TRIM14: variants seen among roughly 807,000 people sequenced by gnomAD.
The protein encoded by TRIM14 is tripartite motif containing 14.
TRIM14 carries 28 observed loss-of-function variants against 44.5 expected under a neutral mutation model. That is an observed-to-expected ratio of 0.63 (90% CI 0.47 to 0.86). The LOEUF is 0.86. Among genes scored for constraint, TRIM14 ranks in the 40% least tolerant of loss-of-function variants. TRIM14 has a pLI of 0.00. For missense variants in TRIM14, 607 were observed against 611.1 expected (o/e 0.99, Z 0.07); for synonymous variants, 299 against 269.2 (o/e 1.11, Z -1.08).
rs1176164751 is a variant in TRIM14, at chr9:98,078,204, G to A, written c.*29-8517C>T. ...GCTGGATTACTCAGGTCGCCCAATG[G>A]TGATCTCCAGTGGGATGCAGTCAAT... On this transcript the variant is annotated intron_variant, in intron 6 of 6. Coordinates refer to the TRIM14 transcript ENST00000375098. 11 of 1,614,204 alleles carry A rather than the reference G, an allele frequency of 6.8e-6. No individual in the cohort carries two copies. In the South Asian group the frequency reaches 1.2e-4, roughly 18 times the overall value.
chr9:98,074,254 C>G (rs1405733624), intron 6 of TRIM14, among the ~76,000 whole-genome samples: 1 of 152,096 alleles, frequency 6.6e-6, no homozygotes, highest in African/African-American at 2.4e-5. Flanking sequence ...GCTGGGAGCC[C>G]GAGGAGAGTT....
At chr9:98,078,272 C>T in intron 6 of TRIM14, 2 of 1,614,096 alleles carry the variant, frequency 1.2e-6, no homozygotes, top group Non-Finnish European at 1.7e-6. Flanking sequence ...AGCCCCTCAA[C>T]CCCAACTTCT....
intron 3 of TRIM14, among the ~76,000 whole-genome samples, chr9:98,098,930 C>T (rs1397285817): frequency 6.6e-6 from 1 of 152,038 alleles, no homozygotes; most frequent in Admixed American, 6.5e-5. Context: ...CGCCATCACG[C>T]CTGGCTGATA....
chr9:98,066,087 T>C (rs772648266), downstream of TRIM14, among the ~76,000 whole-genome samples: 25 of 152,216 alleles, frequency 1.6e-4, no homozygotes, highest in Admixed American at 7.2e-4. Context: ...CCATAGTTGC[T>C]TCCCCAGGAC....
the TRIM14 span, among the ~76,000 whole-genome samples, chr9:98,054,140 T>A: frequency 2.7e-4 from 41 of 152,216 alleles, no homozygotes; most frequent in African/African-American, 8.2e-4. Context: ...CTGTTAAGCT[T>A]TTTTTTCAGA....
At chr9:98,066,160 G>A (rs1028755005), downstream of TRIM14, among the ~76,000 whole-genome samples, 1 of 152,186 alleles carries the variant, frequency 6.6e-6, no homozygotes, top group African/African-American at 2.4e-5. Context: ...AATGTTATGT[G>A]TGCATTTCAT....
rs533527346 is a variant in TRIM14 at position 98,073,224 on chromosome 9, T to G, written c.*29-3537A>C. On this transcript the variant is annotated intron_variant, in intron 6 of 6. Coordinates refer to the TRIM14 transcript ENST00000375098. Reference sequence around the variant, plus strand: ...GAGGCTGGCCCAGCCTATTTGTGGCTACACCCTTCCCCTGACTCCCTGTTC... The same window carrying G: ...GAGGCTGGCCCAGCCTATTTGTGGCGACACCCTTCCCCTGACTCCCTGTTC... Among the ~76,000 whole-genome samples, 7 of 146,908 alleles carry G rather than the reference T, an allele frequency of 4.8e-5. No individual in the cohort carries two copies. In the South Asian group the frequency reaches 1.5e-3, roughly 32 times the overall value.
chr9:98,041,887 G>A, the TRIM14 span, among the ~76,000 whole-genome samples: 1 of 151,102 alleles, frequency 6.6e-6, no homozygotes, highest in African/African-American at 2.4e-5. Context: ...TTTCTCCATG[G>A]TGGTCAGGCT....
At chr9:98,040,719 G>A in the TRIM14 span, among the ~76,000 whole-genome samples, 3 of 151,518 alleles carry the variant, frequency 2.0e-5, no homozygotes, top group East Asian at 3.9e-4. Flanking sequence ...GTGCAGTGGC[G>A]CGATCTCAGC....
At chr9:98,105,006 G>A (rs1277583068) in intron 2 of TRIM14, among the ~76,000 whole-genome samples, 1 of 131,650 alleles carries the variant, frequency 7.6e-6, no homozygotes, top group Non-Finnish European at 1.6e-5. Context: ...TGGTGGCAAT[G>A]GCAGGCAGGA....
At chr9:98,041,152 G>A in the TRIM14 span, among the ~76,000 whole-genome samples, 10 of 152,116 alleles carry the variant, frequency 6.6e-5, no homozygotes, top group African/African-American at 2.4e-4. Flanking sequence ...GGTAAATAAT[G>A]AGCTCTAGGA....
intron 2 of TRIM14, among the ~76,000 whole-genome samples, chr9:98,105,707 A>G (rs1826585435): frequency 6.6e-6 from 1 of 152,250 alleles, no homozygotes; most frequent in African/African-American, 2.4e-5. Flanking sequence ...GAGTGGAGCC[A>G]GAGGTGCATG....
At position 98,095,307 on chromosome 9, in the gene TRIM14, C is replaced by A. The variant is rs1826147282; in HGVS notation, c.538-278G>T. Among the ~76,000 whole-genome samples the A allele has an allele frequency of 6.6e-6, 1 of 152,208 alleles. No individual in the cohort carries two copies. The highest frequency in any genetic ancestry group is 2.4e-5 in the African/African-American group (1 of 41,436). On this transcript the variant is annotated intron_variant, in intron 3 of 5. Transcript: ENST00000341469. The surrounding 1 kb of genome is among the most constrained non-coding windows in gnomAD (Gnocchi z 4.1). ...TCCTTTCCTTCCTTCCTTACGTGTT[C>A]ATTGAAACCTACTCTGTGCCAGCTA... is the stretch of plus-strand genomic sequence containing the variant.
chr9:98,096,644 A>C (rs915301362), intron 3 of TRIM14, among the ~76,000 whole-genome samples: 24 of 152,110 alleles, frequency 1.6e-4, no homozygotes, highest in African/African-American at 5.8e-4. Context: ...CCCAGGCATC[A>C]TCTGGGGATT....
At chr9:98,056,351 G>C in the TRIM14 span, among the ~76,000 whole-genome samples, 1 of 152,020 alleles carries the variant, frequency 6.6e-6, no homozygotes, top group Non-Finnish European at 1.5e-5. Flanking sequence ...ACTCGATCCA[G>C]CTCTGTGATT....
chr9:98,105,338 G>A (rs1312936341), intron 2 of TRIM14, among the ~76,000 whole-genome samples: 2 of 152,206 alleles, frequency 1.3e-5, no homozygotes, highest in African/African-American at 2.4e-5. Context: ...GCTGAGCCCC[G>A]CCGACTGCAT....
intron 5 of TRIM14, among the ~76,000 whole-genome samples, chr9:98,088,224 T>C (rs1376295202): frequency 1.3e-5 from 2 of 152,254 alleles, no homozygotes; most frequent in African/African-American, 2.4e-5. Context: ...TTATACTGTC[T>C]GTATTTTGTG....
In TRIM14 at chr9:98,087,723, C is replaced by G. The variant is rs745561512; in HGVS notation, c.1076G>C (p.Arg359Pro). ...GTAGCGCTTGAGGCACCAGGACTGG[C>G]GGTTGCAGCCCAGGCGGGCGGCGGC... ...ASAAARLGCNRQSWCLKRYDL... is the reference protein window; with the variant it reads ...ASAAARLGCNPQSWCLKRYDL... Residue 359 changes from arginine (R) to proline (P), a missense_variant, in exon 6 of 6, where the codon CGC becomes CCC. This residue lies in a region of TRIM14 where 356 missense variants were observed against 323.0 expected (regional missense o/e 1.10). Coordinates refer to ENST00000341469, the MANE Select transcript of TRIM14 (RefSeq NM_014788.4). 6.3e-7 allele frequency: 1 copy of G among 1,591,408 alleles called. No homozygotes were observed. The highest frequency in any genetic ancestry group is 1.1e-5 in the South Asian group (1 of 89,508).
At chr9:98,061,303 C>A in the TRIM14 span, 1 of 304,124 alleles carries the variant, frequency 3.3e-6, no homozygotes, top group Non-Finnish European at 6.4e-6. Flanking sequence ...ATGGTGAAAC[C>A]CCATCTCTAC....
Sources: gnomAD v4.1 joint callset for allele counts (sites outside exome capture counted in the v4.1 genomes callset) on GRCh38, gnomAD v4.1.1 for gene constraint, gnomAD v4.1.1 regional missense constraint, Gnocchi (gnomAD v3.1) non-coding constraint, MANE v1.5 for transcripts, NCBI Gene and HGNC (gene_info 2026-07-23, HGNC 2026-07-21) for gene names.